The following TMC1 variants were observed in gnomAD, a reference collection of about 807,000 sequenced individuals.
TMC1 encodes transmembrane channel-like protein 1.
A neutral mutation model predicts 105.8 loss-of-function variants in TMC1; 84 were observed. The ratio of observed to expected loss-of-function variants is 0.79; its 90% confidence interval spans 0.67 to 0.95. TMC1 has a LOEUF of 0.95. TMC1 is among the 40% of genes least tolerant of loss of function. The pLI is 0.00. For synonymous variants in TMC1, 315 were observed against 311.5 expected (o/e 1.01, Z -0.12); for missense variants, 817 against 914.1 (o/e 0.89, Z 1.37).
chr9:72,824,260 A>G (rs1265004320), intron 20 of TMC1, among the ~76,000 whole-genome samples: 2 of 152,172 alleles, frequency 1.3e-5, no homozygotes, highest in African/African-American at 4.8e-5. Flanking sequence ...CCTGAGTTCC[A>G]CCATCCTCAG....
intron 12 of TMC1, among the ~76,000 whole-genome samples, chr9:72,757,919 G>A (rs1158437676): frequency 6.6e-6 from 1 of 152,160 alleles, no homozygotes; most frequent in Non-Finnish European, 1.5e-5. Flanking sequence ...TATGTGGATA[G>A]TGGCAAGCTA....
intron 5 of TMC1, among the ~76,000 whole-genome samples, chr9:72,685,738 C>T (rs535022179): frequency 6.6e-6 from 1 of 152,154 alleles, no homozygotes; most frequent in East Asian, 1.9e-4. Context: ...GTCTACAAAC[C>T]CTTATCCAAG....
chr9:72,765,982 T>G (rs935150159), intron 12 of TMC1, among the ~76,000 whole-genome samples: 1 of 152,218 alleles, frequency 6.6e-6, no homozygotes, highest in Non-Finnish European at 1.5e-5. Context: ...CCAACAAACC[T>G]GGGTTTGAAT....
intron 5 of TMC1, among the ~76,000 whole-genome samples, chr9:72,688,462 A>G (rs1299412483): frequency 6.6e-6 from 1 of 152,144 alleles, no homozygotes; most frequent in Non-Finnish European, 1.5e-5. Context: ...ATAACTTTGA[A>G]TTGGGCTTAT....
intron 5 of TMC1, among the ~76,000 whole-genome samples, chr9:72,681,006 GA>G (rs1182550880): frequency 3.3e-5 from 5 of 152,086 alleles, no homozygotes; most frequent in Non-Finnish European, 5.9e-5. Context: ...AAATGCTACG[GA>G]GGACAGAAAG....
At chr9:72,688,908 A>G (rs1826417759) in intron 6 of TMC1, 152 bp downstream of exon 6, 5 of 730,532 alleles carry the variant, frequency 6.8e-6, no homozygotes, top group Non-Finnish European at 1.2e-5. Context: ...AAGTTCAGCA[A>G]ACAGAATCCC....
chr9:72,679,565 C>T (rs1467396143), intron 5 of TMC1, among the ~76,000 whole-genome samples: 2 of 152,016 alleles, frequency 1.3e-5, no homozygotes, highest in South Asian at 4.2e-4. Flanking sequence ...GCTGGAAAAT[C>T]CAATATCCAG....
At chr9:72,702,347 C>T (rs1300482732) in intron 8 of TMC1, among the ~76,000 whole-genome samples, 1 of 152,102 alleles carries the variant, frequency 6.6e-6, no homozygotes, top group Non-Finnish European at 1.5e-5. Context: ...ACAGCAGCTT[C>T]AGATTTGAGT....
intron 18 of TMC1, among the ~76,000 whole-genome samples, chr9:72,815,567 A>G (rs72733086): frequency 0.11 from 16,776 of 152,244 alleles, 977 homozygotes; most frequent in Non-Finnish European, 0.13. Flanking sequence ...AGTTTCATAT[A>G]GTTGATTAAT....
chr9:72,586,690 G>A (rs1266590012), intron 2 of TMC1, among the ~76,000 whole-genome samples: 1 of 152,092 alleles, frequency 6.6e-6, no homozygotes, highest in Non-Finnish European at 1.5e-5. Context: ...GTCATCTTGC[G>A]GGGAGAGACT....
At chr9:72,700,837 A>G (rs1826634386) in intron 8 of TMC1, 194 bp downstream of exon 8, 1 of 217,608 alleles carries the variant, frequency 4.6e-6, no homozygotes, top group East Asian at 8.1e-5. Flanking sequence ...ATGACTCATT[A>G]TATATAATGG....
At chr9:72,788,787 T>G (rs1208701946) in intron 14 of TMC1, among the ~76,000 whole-genome samples, 2 of 152,198 alleles carry the variant, frequency 1.3e-5, no homozygotes, top group African/African-American at 4.8e-5. Context: ...CAATGTTCAC[T>G]AATTATTTAC....
intron 4 of TMC1, among the ~76,000 whole-genome samples, chr9:72,640,916 C>G (rs1825618080): frequency 6.6e-6 from 1 of 152,046 alleles, no homozygotes; most frequent in Admixed American, 6.6e-5. Context: ...CAGGTGTGAG[C>G]CACGGTGCCT....
intron 18 of TMC1, among the ~76,000 whole-genome samples, chr9:72,806,729 C>A (rs932635657): frequency 6.6e-6 from 1 of 151,540 alleles, no homozygotes; most frequent in African/African-American, 2.4e-5. Flanking sequence ...AGGTGCTCCT[C>A]ACTTCCTAGG....
intron 5 of TMC1, among the ~76,000 whole-genome samples, chr9:72,669,711 A>G (rs964156981): frequency 1.3e-5 from 2 of 151,812 alleles, no homozygotes; most frequent in Admixed American, 1.3e-4. Flanking sequence ...TTTCCATATG[A>G]CTTGAAAAAA....
At chr9:72,579,544 GC>G in intron 2 of TMC1, among the ~76,000 whole-genome samples, 1 of 152,252 alleles carries the variant, frequency 6.6e-6, no homozygotes, top group Middle Eastern at 3.4e-3. Flanking sequence ...TAGACACACA[GC>G]CCCCTCCCCT....
At chr9:72,789,044 G>C (rs1828218322) in intron 14 of TMC1, 79 bp from the exon 15 acceptor site, 2 of 1,376,926 alleles carry the variant, frequency 1.5e-6, no homozygotes, top group South Asian at 2.4e-5. Context: ...AATAACTTTT[G>C]AGGTTTTGAT....
intron 1 of TMC1, among the ~76,000 whole-genome samples, chr9:72,551,482 T>A (rs1823859390): frequency 2.6e-5 from 4 of 152,118 alleles, no homozygotes; most frequent in Admixed American, 6.5e-5. Flanking sequence ...GAAATCTCCT[T>A]CCCCCTGTTG....
At chr9:72,643,104 T>C (rs1289661809) in intron 4 of TMC1, among the ~76,000 whole-genome samples, 1 of 152,158 alleles carries the variant, frequency 6.6e-6, no homozygotes, top group Non-Finnish European at 1.5e-5. Flanking sequence ...TTCCTTCCTT[T>C]CTTCTCCTTT....
Sources: gnomAD v4.1 joint callset for allele counts (sites outside exome capture counted in the v4.1 genomes callset) on GRCh38, gnomAD v4.1.1 for gene constraint, MANE v1.5 for transcripts, NCBI Gene and HGNC (gene_info 2026-07-23, HGNC 2026-07-21) for gene names.